Variants in NUP62CL observed in about 807,000 individuals in gnomAD.
NUP62CL encodes nucleoporin 62 C-terminal like.
A neutral mutation model predicts 15.3 loss-of-function variants in NUP62CL; 13 were observed. The ratio of observed to expected loss-of-function variants is 0.85; its 90% CI spans 0.55 to 1.35. The LOEUF (loss-of-function observed/expected upper bound fraction) is 1.35, where lower values mean the gene tolerates loss of function less well. Ranked by LOEUF, NUP62CL falls within the 40% of genes most tolerant of loss-of-function variation. NUP62CL has a pLI of 0.00. For missense variants in NUP62CL, 123 were observed against 130.6 expected (o/e 0.94, Z 0.28); for synonymous variants, 54 against 49.2 (o/e 1.10, Z -0.41).
Position 107,175,079 on chromosome X carries a change from A to G in NUP62CL, c.58+10T>C. ...AAATAACAGTATTTTCTTTAGAATT[A>G]GTAACTTACATGAGAGCCCAATAGC... On this transcript the variant is annotated intron_variant, in intron 3 of 8. Transcript: ENST00000372466. 8.5e-7 allele frequency: 1 copy of G among 1,175,648 alleles called. No homozygotes were observed. Among genetic ancestry groups the G allele is most frequent in the Non-Finnish European group, 1.2e-6 (1 of 864,815 alleles).
At chrX:107,157,208 G>A (rs1359060776) in intron 4 of NUP62CL, among the ~76,000 whole-genome samples, 2 of 108,313 alleles carry the variant, frequency 1.8e-5, no homozygotes, top group Non-Finnish European at 1.9e-5. Flanking sequence ...CACTCTGCAG[G>A]ATATTATCCA....
At chrX:107,152,073 TATTCAG>T (rs1403459141) in intron 7 of NUP62CL, among the ~76,000 whole-genome samples, 1,159 of 62,966 alleles carry the variant, frequency 0.018, 77 homozygotes, top group East Asian at 0.084. Context: ...TATATATATA[TATTCAG>T]ATATATATAT....
intron 2 of NUP62CL, among the ~76,000 whole-genome samples, chrX:107,177,746 T>C (rs1385566913): frequency 9.0e-6 from 1 of 111,468 alleles, no homozygotes; most frequent in African/African-American, 3.3e-5. Context: ...GAGGATCCTG[T>C]TGGAAATGTA....
chrX:107,179,210 A>AT (rs1190597227), intron 2 of NUP62CL, among the ~76,000 whole-genome samples: 3 of 111,490 alleles, frequency 2.7e-5, no homozygotes, highest in Non-Finnish European at 5.7e-5. Flanking sequence ...TGCTACTTCA[A>AT]TTTTTTCATT....
intron 3 of NUP62CL, among the ~76,000 whole-genome samples, chrX:107,174,154 T>TC (rs1379408096): frequency 3.4e-5 from 3 of 88,456 alleles, no homozygotes; most frequent in African/African-American, 1.2e-4. Context: ...TTCCTTTCCT[T>TC]TTTTTTTTTT....
rs59083488 is a variant in NUP62CL, at chrX:107,204,717, ATTAT to A, written c.-92+1552_-92+1555del. 1.0e-3 allele frequency among the ~76,000 whole-genome samples: 89 copies of A among 87,994 alleles called. 1 individual carries two copies. Among genetic ancestry groups the A allele is most frequent in the African/African-American group, 4.8e-3 (84 of 17,356 alleles). 76.4% of individuals were successfully genotyped at this position (87,994 alleles called of 115,157 possible). ...ATTTATTTAAATAAATTTTAAATAAATTATTTATTTAAATAAATTTTAAATAAAT... is the reference window on the plus strand; with the variant it reads ...ATTTATTTAAATAAATTTTAAATAAATTATTTAAATAAATTTTAAATAAAT... On this transcript the variant is annotated intron_variant, in intron 1 of 8. Transcript: ENST00000372466.
At chrX:107,138,197 A>G (rs1356595553) in intron 8 of NUP62CL, among the ~76,000 whole-genome samples, 1 of 111,900 alleles carries the variant, frequency 8.9e-6, no homozygotes, top group African/African-American at 3.2e-5. Context: ...CTTAAATGTA[A>G]AATGATAAAA....
intron 3 of NUP62CL, among the ~76,000 whole-genome samples, chrX:107,168,157 T>C (rs1045716979): frequency 2.0e-4 from 22 of 112,051 alleles, no homozygotes; most frequent in African/African-American, 7.1e-4. Context: ...AAAAGATCTC[T>C]GTACATCTAT....
chrX:107,180,276 C>T (rs760367865), intron 2 of NUP62CL, among the ~76,000 whole-genome samples: 6 of 111,699 alleles, frequency 5.4e-5, no homozygotes, highest in Non-Finnish European at 9.4e-5. Context: ...CTTTTGAACC[C>T]GCAATACTTT....
chrX:107,158,710 G>A (rs372018821), intron 4 of NUP62CL, among the ~76,000 whole-genome samples: 2 of 75,130 alleles, frequency 2.7e-5, no homozygotes, highest in East Asian at 4.7e-4. Flanking sequence ...TAACATCACA[G>A]TTAAAAGAAC....
intron 8 of NUP62CL, among the ~76,000 whole-genome samples, chrX:107,147,329 T>TA (rs1046160588): frequency 4.5e-5 from 5 of 111,716 alleles, no homozygotes. Flanking sequence ...GCGATTGTTA[T>TA]AAATTAGTTA....
At chrX:107,149,484 A>G (rs1028772289) in intron 7 of NUP62CL, among the ~76,000 whole-genome samples, 1 of 112,080 alleles carries the variant, frequency 8.9e-6, no homozygotes, top group South Asian at 3.7e-4. Context: ...ACAGAATGGC[A>G]TAATTTTTAT....
chrX:107,184,991 C>T (rs1162550877), intron 2 of NUP62CL, among the ~76,000 whole-genome samples: 1 of 110,171 alleles, frequency 9.1e-6, no homozygotes, highest in Non-Finnish European at 1.9e-5. Context: ...ACGAAAATAT[C>T]CTCCAGAAAA....
intron 8 of NUP62CL, among the ~76,000 whole-genome samples, chrX:107,128,014 G>T: frequency 8.9e-6 from 1 of 111,822 alleles, no homozygotes; most frequent in East Asian, 2.8e-4. Context: ...GCAGAAAAAT[G>T]GGTCCCCCCA....
chrX:107,156,567 G>T (rs746581395), intron 4 of NUP62CL, among the ~76,000 whole-genome samples: 1 of 96,282 alleles, frequency 1.0e-5, no homozygotes, highest in East Asian at 3.4e-4. Flanking sequence ...GCAGCTGAGG[G>T]TCCTGTCTGT....
At chrX:107,164,223 G>A (rs1315496821) in intron 4 of NUP62CL, among the ~76,000 whole-genome samples, 1 of 111,188 alleles carries the variant, frequency 9.0e-6, no homozygotes, top group Non-Finnish European at 1.9e-5. Flanking sequence ...CCAAACACTT[G>A]GAAATTAAAC....
intron 1 of NUP62CL, among the ~76,000 whole-genome samples, chrX:107,206,024 C>T (rs1430339843): frequency 1.8e-5 from 2 of 110,387 alleles, no homozygotes; most frequent in African/African-American, 6.6e-5. Flanking sequence ...CACACTATCG[C>T]CCGCGACAAG....
chrX:107,135,114 G>A (rs1328118576), intron 8 of NUP62CL, among the ~76,000 whole-genome samples: 1 of 111,642 alleles, frequency 9.0e-6, no homozygotes, highest in Admixed American at 9.5e-5. Context: ...ATGTATAGGA[G>A]AGCATGCTAA....
Position 107,206,272 on chromosome X carries a change from C to T in NUP62CL, c.-92+1G>A, listed in dbSNP as rs920174458. 4 of 110,836 alleles carry T rather than the reference C, an allele frequency of 3.6e-5. No individual in the cohort carries two copies. The highest frequency in any genetic ancestry group is 2.9e-4 in the Admixed American group (3 of 10,441). 9.1% of individuals were successfully genotyped at this position (110,836 alleles called of 1,213,427 possible). A position where few individuals can be genotyped will look rare whatever the true frequency, so the allele number is the denominator to read the frequency against. The stretch of plus-strand genomic sequence containing the variant: ...GACAAACGAAAACCCCACAAACTTA[C>T]CTTACTGGCAAGTCGCCGCCGCTCG... On this transcript the variant is annotated splice_donor_variant, in intron 1 of 8. Coordinates refer to ENST00000372466, the MANE Select transcript of NUP62CL (RefSeq NM_017681.3). LOFTEE classifies it low-confidence loss of function (5UTR_SPLICE).
Sources: gnomAD v4.1 joint callset for allele counts (sites outside exome capture counted in the v4.1 genomes callset) on GRCh38, gnomAD v4.1.1 for gene constraint, MANE v1.5 for transcripts, NCBI Gene and HGNC (gene_info 2026-07-23, HGNC 2026-07-21) for gene names.